Variants in PPP4R3B observed in about 807,000 individuals in gnomAD.
The protein encoded by PPP4R3B is serine/threonine-protein phosphatase 4 regulatory subunit 3B.
Under a neutral mutation model 95.4 loss-of-function variants are expected in PPP4R3B, and 52 were observed. The observed-to-expected ratio is 0.54, with a 90% CI of 0.44 to 0.69. The LOEUF is 0.69. Among genes scored for constraint, PPP4R3B ranks in the 30% least tolerant of loss-of-function variants. The pLI is 0.00. For synonymous variants in PPP4R3B, 407 were observed against 343.9 expected, an observed-to-expected ratio of 1.18 and a Z score of -2.03; for missense variants, 1,003 against 1,005.9, an observed-to-expected ratio of 1.00 and a Z score of 0.04.
At chr2:55,575,206 C>T (rs1474437989) in intron 11 of PPP4R3B, among the ~76,000 whole-genome samples, 1 of 152,110 alleles carries the variant, frequency 6.6e-6, no homozygotes, top group African/African-American at 2.4e-5. Context: ...TCCCAAAGTG[C>T]TGGGATTACA....
At chr2:55,575,266 C>T (rs1018190911) in intron 11 of PPP4R3B, among the ~76,000 whole-genome samples, 1 of 151,664 alleles carries the variant, frequency 6.6e-6, no homozygotes, top group Admixed American at 6.6e-5. Context: ...AATATCAACT[C>T]ACGATGTCCA....
intron 15 of PPP4R3B, among the ~76,000 whole-genome samples, chr2:55,559,433 A>G (rs1686298418): frequency 6.6e-6 from 1 of 152,214 alleles, no homozygotes; most frequent in Non-Finnish European, 1.5e-5. Flanking sequence ...CATGATGTGT[A>G]CAGTGATGAT....
At chr2:55,555,515 A>G (rs552251556) in intron 16 of PPP4R3B, among the ~76,000 whole-genome samples, 1 of 152,192 alleles carries the variant, frequency 6.6e-6, no homozygotes, top group South Asian at 2.1e-4. Flanking sequence ...GGAGTTCCTG[A>G]CGAGCCTGGC....
intron 1 of PPP4R3B, chr2:55,616,546 T>C (rs1694956498): frequency 6.6e-6 from 1 of 152,224 alleles, no homozygotes; most frequent in Non-Finnish European, 1.5e-5. Context: ...TTGCTTAGAT[T>C]GTAAGGCATT....
rs1415997008 is a variant in PPP4R3B at position 55,555,958 on chromosome 2, C to CA, written c.2454+2816dup. 3.3e-5 allele frequency among the ~76,000 whole-genome samples: 5 copies of CA among 152,184 alleles called. No homozygotes were observed. The East Asian group carries it at 9.6e-4, about 29-fold the overall frequency. ...AGAAAATATACGTTTTACAGTTACA[C>CA]AACTAAAGAAGTATTTTGTGTCTTT... On this transcript the variant is annotated intron_variant, in intron 16 of 16. Transcript: ENST00000616407.
At chr2:55,581,080 C>T (rs1401502670) in intron 8 of PPP4R3B, among the ~76,000 whole-genome samples, 1 of 151,984 alleles carries the variant, frequency 6.6e-6, no homozygotes, top group African/African-American at 2.4e-5. Flanking sequence ...TGATGAAACC[C>T]CATCTCTACT....
intron 16 of PPP4R3B, among the ~76,000 whole-genome samples, chr2:55,550,842 A>G (rs1168174868): frequency 6.6e-6 from 1 of 152,204 alleles, no homozygotes; most frequent in Non-Finnish European, 1.5e-5. Context: ...CCAAATCAGT[A>G]TAATATTAAC....
At chr2:55,578,215 T>C (rs1251450304) in intron 10 of PPP4R3B, 32 bp downstream of exon 10, 4 of 1,364,894 alleles carry the variant, frequency 2.9e-6, no homozygotes, top group Non-Finnish European at 3.8e-6. Flanking sequence ...CATAAGTAAA[T>C]ATAGGAGTGA....
At chr2:55,599,273 A>C (rs932260567) in intron 3 of PPP4R3B, among the ~76,000 whole-genome samples, 2 of 152,058 alleles carry the variant, frequency 1.3e-5, no homozygotes, top group Admixed American at 1.3e-4. Flanking sequence ...CCCCAACTCC[A>C]CTAAAAATAC....
chr2:55,561,825 G>C (rs1041269837), intron 15 of PPP4R3B, among the ~76,000 whole-genome samples: 5 of 152,178 alleles, frequency 3.3e-5, no homozygotes, highest in Non-Finnish European at 7.3e-5. Flanking sequence ...TATTTTATAG[G>C]ATCACAGGCA....
chr2:55,577,625 C>A (rs1478993817), intron 10 of PPP4R3B, among the ~76,000 whole-genome samples: 1 of 152,114 alleles, frequency 6.6e-6, no homozygotes, highest in Non-Finnish European at 1.5e-5. Flanking sequence ...ACTGACATAT[C>A]TTCTTTTACC....
chr2:55,604,793 T>C (rs1029811895), intron 2 of PPP4R3B, among the ~76,000 whole-genome samples: 4 of 125,308 alleles, frequency 3.2e-5, no homozygotes, highest in South Asian at 2.4e-4. Flanking sequence ...AAATAAAACA[T>C]AGACACACAC....
At chr2:55,600,096 C>G (rs1692335455) in intron 3 of PPP4R3B, among the ~76,000 whole-genome samples, 1 of 152,200 alleles carries the variant, frequency 6.6e-6, no homozygotes, top group Non-Finnish European at 1.5e-5. Flanking sequence ...TCTGAACTAT[C>G]TGAACCATCA....
At chr2:55,584,965 ATTATG>A (rs1689947408) in intron 7 of PPP4R3B, 81 bp downstream of exon 7, 6 of 1,032,802 alleles carry the variant, frequency 5.8e-6, no homozygotes, top group East Asian at 2.7e-5. Flanking sequence ...AAAGATTAAG[ATTATG>A]TTATGTTTTT....
intron 12 of PPP4R3B, among the ~76,000 whole-genome samples, chr2:55,569,371 AGGGCCTGACATT>A (rs1309677059): frequency 5.3e-5 from 8 of 152,080 alleles, no homozygotes; most frequent in African/African-American, 1.7e-4. Flanking sequence ...CCTCTTGTGA[AGGGCCTGACATT>A]AGTCAGGCCC....
intron 12 of PPP4R3B, among the ~76,000 whole-genome samples, chr2:55,571,898 G>A (rs576115246): frequency 1.8e-4 from 28 of 152,340 alleles, no homozygotes; most frequent in Admixed American, 3.3e-4. Context: ...GGATTTACAG[G>A]CGTGAGCCAC....
At chr2:55,600,792 G>A (rs1327709498) in intron 3 of PPP4R3B, among the ~76,000 whole-genome samples, 1 of 151,962 alleles carries the variant, frequency 6.6e-6, no homozygotes, top group Non-Finnish European at 1.5e-5. Flanking sequence ...ATGACAAATG[G>A]AAAGGAGAAA....
At chr2:55,578,934 A>G (rs182186134) in intron 9 of PPP4R3B, among the ~76,000 whole-genome samples, 1 of 152,230 alleles carries the variant, frequency 6.6e-6, no homozygotes, top group Admixed American at 6.5e-5. Flanking sequence ...GTATGGTCAT[A>G]TGGTAACATA....
intron 12 of PPP4R3B, among the ~76,000 whole-genome samples, chr2:55,571,648 C>CA (rs1688012590): frequency 6.6e-6 from 1 of 152,118 alleles, no homozygotes; most frequent in African/African-American, 2.4e-5. Flanking sequence ...TTTCTTGAGA[C>CA]AGAGTCTTGC....
Sources: allele counts gnomAD v4.1 joint callset (sites outside exome capture counted in the v4.1 genomes callset), GRCh38; gene constraint gnomAD v4.1.1; transcripts MANE v1.5; gene names NCBI Gene and HGNC (gene_info 2026-07-23, HGNC 2026-07-21).